Variants in RAB18 observed in about 807,000 individuals in gnomAD.
RAB18 encodes the protein RAB18, member RAS oncogene family, also known as ras-related protein Rab-18.
In RAB18, 10 loss-of-function variants were observed where a neutral mutation model predicts 28.5. The ratio of observed to expected loss-of-function variants is 0.35; its 90% confidence interval spans 0.22 to 0.60. The LOEUF is 0.60. RAB18 is among the 20% of genes least tolerant of loss of function. The pLI is 0.78. For missense variants in RAB18, 188 were observed against 244.2 expected (o/e 0.77, Z 1.53); for synonymous variants, 93 against 86.9 (o/e 1.07, Z -0.39).
chr10:27,532,629 G>C (rs1834810791), intron 4 of RAB18, 50 bp downstream of exon 4: 1 of 1,381,394 alleles, frequency 7.2e-7, no homozygotes, highest in Non-Finnish European at 1.0e-6. Flanking sequence ...TGGAGTTTCT[G>C]ATTGTCCTAG....
chr10:27,538,655 G>C lies in RAB18; in HGVS notation c.*604G>C, dbSNP rs1439168065. On this transcript the variant is annotated 3_prime_UTR_variant, in exon 7 of 7. Transcript: ENST00000356940. ...AGCATTGATAGGTTAAAGAAGCTTG[G>C]TATTTTTAATTTACTTCAATGATTA... 6.6e-6 allele frequency: 3 copies of C among 453,854 alleles called. No homozygotes were observed. The highest frequency in any genetic ancestry group is 1.3e-5 in the Non-Finnish European group (3 of 226,542). 28.1% of individuals were successfully genotyped at this position (453,854 alleles called of 1,614,324 possible). A position where few individuals can be genotyped will look rare whatever the true frequency, so the allele number is the denominator to read the frequency against.
At position 27,541,383 on chromosome 10, in the gene RAB18, A is replaced by G. The variant is rs1373460676; in HGVS notation, c.*3332A>G. 6.6e-6 allele frequency: 3 copies of G among 453,524 alleles called. No homozygotes were observed. The Admixed American group carries it at 7.1e-5, about 11-fold the overall frequency. 28.1% of individuals were successfully genotyped at this position (453,524 alleles called of 1,614,324 possible). On this transcript the variant is annotated 3_prime_UTR_variant, in exon 7 of 7. Coordinates refer to ENST00000356940, the MANE Select transcript of RAB18 (RefSeq NM_021252.5). ...TTAATTTTTCTCTCCTCAGTTGGGA[A>G]CATCTATCATGCTGGAGGACTACTG... is the stretch of plus-strand genomic sequence containing the variant.
At chr10:27,505,342 AG>A (rs1226744314) in intron 1 of RAB18, among the ~76,000 whole-genome samples, 1 of 152,182 alleles carries the variant, frequency 6.6e-6, no homozygotes, top group Non-Finnish European at 1.5e-5. Context: ...TTTGCACTCC[AG>A]GGGCTGTAAT....
At position 27,541,581 on chromosome 10, in the gene RAB18, A is replaced by ATGCC. The variant is rs1190589338; in HGVS notation, c.*3533_*3536dup. ...ACATATTTTGAATAGTCGTGTGTTC[A>ATGCC]TGCCTGTTCTCAGTCTTGTCCCCTT... On this transcript the variant is annotated 3_prime_UTR_variant, in exon 7 of 7. Transcript: ENST00000356940. The ATGCC allele has an allele frequency of 4.4e-6, 2 of 453,250 alleles. No individual in the cohort carries two copies. Among genetic ancestry groups the ATGCC allele is most frequent in the Admixed American group, 4.7e-5 (2 of 42,490 alleles). The allele number at this position is 453,250 out of a possible 1,614,324, so 28.1% of individuals were successfully genotyped here.
rs140686479 is a variant in RAB18, at chr10:27,533,934, C to T, written c.385C>T (p.Arg129Cys). 13 of 1,610,182 alleles carry T rather than the reference C, an allele frequency of 8.1e-6. No homozygotes were observed. The highest frequency in any genetic ancestry group is 3.3e-5 in the Admixed American group (2 of 59,994). Residue 129 changes from arginine (R) to cysteine (C), a missense_variant, in exon 6 of 7, where the codon CGT (arginine) becomes TGT (cysteine). Physicochemically the swap from Arg to Cys is radical, Grantham distance 180 (BLOSUM62 -3). Transcript: ENST00000356940. ...CATTGCATTTATATTTTAGGAAAAT[C>T]GTGAAGTCGATAGAAATGAAGGCCT... ...LVGNKIDKEN[R>C]EVDRNEGLKF... is the part of the protein sequence containing the mutation.
chr10:27,531,640 T>C, intron 3 of RAB18: 1 of 754,934 alleles, frequency 1.3e-6, no homozygotes, highest in South Asian at 1.5e-5. Context: ...CTGCTGTGTT[T>C]CAATAAAACT....
chr10:27,536,650 C>A (rs1834906310), intron 6 of RAB18, among the ~76,000 whole-genome samples: 1 of 152,190 alleles, frequency 6.6e-6, no homozygotes, highest in Admixed American at 6.5e-5. Flanking sequence ...CATGACATGT[C>A]AGTGGGCTCA....
rs1834936218 is a variant in RAB18, at chr10:27,538,015, A to G, written c.585A>G (p.Gly195=). Residue 195 remains glycine, a synonymous_variant, in exon 7 of 7, where the codon GGA becomes GGG. Transcript: ENST00000356940. ...VKLSHREEGQ[G]GGACGGYCSV... The stretch of plus-strand genomic sequence containing the variant: ...TGTCACACAGGGAAGAAGGCCAAGG[A>G]GGAGGAGCCTGTGGTGGTTATTGCT... The G allele has an allele frequency of 6.2e-7, 1 of 1,614,178 alleles. No homozygotes were observed. The highest frequency in any genetic ancestry group is 8.5e-7 in the Non-Finnish European group (1 of 1,180,004).
rs1170172200 is a variant in RAB18, at chr10:27,541,461, G to GT, written c.*3410_*3411insT. On this transcript the variant is annotated 3_prime_UTR_variant, in exon 7 of 7. Coordinates refer to ENST00000356940, the MANE Select transcript of RAB18 (RefSeq NM_021252.5). ...GTTGCTAGCTTATTGTTTCATACTT[G>GT]GGAATCAGTCATGTTTCTGATTGTG... 2.2e-6 allele frequency: 1 copy of GT among 453,276 alleles called. No individual in the cohort carries two copies. The highest frequency in any genetic ancestry group is 2.0e-5 in the African/African-American group (1 of 49,700). The allele number at this position is 453,276 out of a possible 1,614,324, so 28.1% of individuals were successfully genotyped here. A position where few individuals can be genotyped will look rare whatever the true frequency, so the allele number is the denominator to read the frequency against.
At chr10:27,504,707 C>A (rs1447338399) in intron 1 of RAB18, 4 of 689,466 alleles carry the variant, frequency 5.8e-6, no homozygotes, top group African/African-American at 3.5e-5. Flanking sequence ...ATTCCGAGGG[C>A]CGCCGCTCGG....
At chr10:27,511,091 A>G (rs1180676494) in intron 2 of RAB18, among the ~76,000 whole-genome samples, 1 of 152,224 alleles carries the variant, frequency 6.6e-6, no homozygotes, top group Non-Finnish European at 1.5e-5. Flanking sequence ...CACAGATTTT[A>G]TCAGTTGTCC....
chr10:27,532,308 CTAGAGATCAGTATTTA>C (rs1361804052), intron 3 of RAB18, among the ~76,000 whole-genome samples, 183 bp from the exon 4 acceptor site: 54 of 147,968 alleles, frequency 3.6e-4, no homozygotes, highest in Non-Finnish European at 7.0e-4. Context: ...TTTCATTTTT[CTAGAGATCAGTATTTA>C]TAAATAATTT....
chr10:27,526,864 G>C lies in RAB18; in HGVS notation c.161G>C (p.Gly54Ala). 2 of 1,613,202 alleles carry C rather than the reference G, an allele frequency of 1.2e-6. No homozygotes were observed. Among genetic ancestry groups the C allele is most frequent in the Non-Finnish European group, 1.7e-6 (2 of 1,179,468 alleles). The change falls in exon 3 of 7, where the codon GGA (glycine) becomes GCA (alanine). Residue 54 changes from glycine to alanine, a missense_variant. Coordinates refer to ENST00000356940, the MANE Select transcript of RAB18 (RefSeq NM_021252.5). The part of the protein sequence containing the change: ...DFKVKTISVD[G>A]NKAKLAIWDT... ...AAGGTGAAAACAATTTCAGTGGATG[G>C]AAATAAGGCTAAACTTGCAATATGG...
chr10:27,533,375 A>G (rs560248114), intron 4 of RAB18, among the ~76,000 whole-genome samples: 69 of 151,520 alleles, frequency 4.6e-4, no homozygotes, highest in African/African-American at 1.6e-3. Flanking sequence ...TTTTTTTAAT[A>G]TTTTGCCACA....
intron 4 of RAB18, among the ~76,000 whole-genome samples, chr10:27,533,387 A>G (rs1054318117): frequency 2.0e-5 from 3 of 151,818 alleles, no homozygotes; most frequent in African/African-American, 7.3e-5. Flanking sequence ...TTTGCCACAG[A>G]TTTGAATCTA....
In RAB18 at chr10:27,539,136, C is replaced by T; in HGVS notation, c.*1085C>T. On this transcript the variant is annotated 3_prime_UTR_variant, in exon 7 of 7. Transcript: ENST00000356940. The stretch of plus-strand genomic sequence containing the variant: ...AGTAGTTCATCAAAACCAACTTGTA[C>T]AGACTAATAAATCTTTTTCACAGTA... 1 of 373,932 alleles carries T rather than the reference C, an allele frequency of 2.7e-6. No individual in the cohort carries two copies. The highest frequency in any genetic ancestry group is 2.0e-5 in the South Asian group (1 of 49,706). 23.2% of individuals were successfully genotyped at this position (373,932 alleles called of 1,614,324 possible).
Position 27,504,925 on chromosome 10 carries a change from A to G in RAB18, c.68+488A>G. ...GAAGTTTCGTGACGCCTTAGGTCCC[A>G]TTCCTGGCCTGTTTGGGCGCAGCTT... On this transcript the variant is annotated intron_variant, in intron 1 of 6. Coordinates refer to ENST00000356940, the MANE Select transcript of RAB18 (RefSeq NM_021252.5). 3.8e-6 allele frequency: 2 copies of G among 527,046 alleles called. 1 individual carries two copies. The highest frequency in any genetic ancestry group is 2.8e-5 in the South Asian group (2 of 71,002). 32.6% of individuals were successfully genotyped at this position (527,046 alleles called of 1,614,324 possible).
intron 1 of RAB18, among the ~76,000 whole-genome samples, chr10:27,508,195 C>G (rs191438970): frequency 1.5e-4 from 23 of 152,288 alleles, no homozygotes; most frequent in Middle Eastern, 3.4e-3. Flanking sequence ...CAGGGTACCC[C>G]TGTCTAAGAT....
intron 1 of RAB18, among the ~76,000 whole-genome samples, chr10:27,508,326 A>G (rs1225510443): frequency 6.6e-6 from 1 of 152,232 alleles, no homozygotes; most frequent in East Asian, 1.9e-4. Context: ...CAATTATGAG[A>G]GAAAAACCTC....
Sources: allele counts gnomAD v4.1 joint callset (sites outside exome capture counted in the v4.1 genomes callset), GRCh38; gene constraint gnomAD v4.1.1; transcripts MANE v1.5; gene names NCBI Gene and HGNC (gene_info 2026-07-23, HGNC 2026-07-21).